The following BFSP1 variants were observed in gnomAD, a reference collection of about 807,000 sequenced individuals.
BFSP1 encodes beaded filament structural protein 1, also known as filensin.
Under a neutral mutation model 43.9 loss-of-function variants are expected in BFSP1, and 38 were observed. That is an observed-to-expected ratio of 0.87 (90% confidence interval 0.67 to 1.14). The LOEUF (loss-of-function observed/expected upper bound fraction) is 1.14. BFSP1 is among the 50% of genes most tolerant of loss of function. BFSP1 has a pLI of 0.00. For missense variants in BFSP1, 850 were observed against 875.1 expected (o/e 0.97, Z 0.36); for synonymous variants, 352 against 354.8 (o/e 0.99, Z 0.09).
chr20:17,550,110 A>G (rs1433811700), intron 1 of BFSP1, among the ~76,000 whole-genome samples: 1 of 152,170 alleles, frequency 6.6e-6, no homozygotes, highest in Non-Finnish European at 1.5e-5. Flanking sequence ...TACCCACATC[A>G]GGATTATTTT....
upstream of BFSP1, among the ~76,000 whole-genome samples, chr20:17,534,302 A>G (rs778012715): frequency 2.0e-5 from 3 of 152,248 alleles, no homozygotes; most frequent in Non-Finnish European, 4.4e-5. Context: ...TTAGAATAAG[A>G]AAGATCTGAG....
intron 1 of BFSP1, among the ~76,000 whole-genome samples, chr20:17,526,629 G>A (rs185178778): frequency 2.2e-4 from 34 of 152,300 alleles, no homozygotes; most frequent in Non-Finnish European, 1.9e-4. Flanking sequence ...TTATGAACAC[G>A]TATATGCAAG....
intron 1 of BFSP1, among the ~76,000 whole-genome samples, chr20:17,549,332 G>A (rs1277037628): frequency 3.3e-5 from 5 of 152,190 alleles, no homozygotes; most frequent in Non-Finnish European, 7.3e-5. Flanking sequence ...TTGACTCATG[G>A]TTCCTTAGGC....
intron 1 of BFSP1, among the ~76,000 whole-genome samples, chr20:17,546,874 A>T (rs1309118163): frequency 2.0e-5 from 3 of 151,448 alleles, no homozygotes; most frequent in Non-Finnish European, 2.9e-5. Context: ...AAATACAAAA[A>T]TTAGCCGGGT....
intron 1 of BFSP1, among the ~76,000 whole-genome samples, chr20:17,548,494 C>A (rs1052439586): frequency 3.3e-5 from 5 of 152,166 alleles, no homozygotes; most frequent in Non-Finnish European, 7.4e-5. Flanking sequence ...TCTGTTCCTG[C>A]AAATACCTGT....
Position 17,494,007 on chromosome 20 carries a change from C to G in BFSP1, c.*67G>C. 1 of 1,404,618 alleles carries G rather than the reference C, an allele frequency of 7.1e-7. No homozygotes were observed. The highest frequency in any genetic ancestry group is 2.3e-5 in the East Asian group (1 of 43,670). 87.0% of individuals were successfully genotyped at this position (1,404,618 alleles called of 1,614,324 possible). On this transcript the variant is annotated 3_prime_UTR_variant, in exon 8 of 8. Coordinates refer to ENST00000377873, the MANE Select transcript of BFSP1 (RefSeq NM_001195.5). ...AACCCTCACCCTTTTATCATTTGCTCTAAAATATCAAAGCATTACCCCTAC... is the reference window on the plus strand; with the variant it reads ...AACCCTCACCCTTTTATCATTTGCTGTAAAATATCAAAGCATTACCCCTAC...
At chr20:17,557,463 CCCT>C (rs1409386484) in intron 1 of BFSP1, among the ~76,000 whole-genome samples, 9 of 152,240 alleles carry the variant, frequency 5.9e-5, no homozygotes, top group Admixed American at 5.2e-4. Flanking sequence ...TTCTCTGCCC[CCCT>C]ATGTCCCCTA....
chr20:17,540,905 A>G (rs2034704822), intron 1 of BFSP1, among the ~76,000 whole-genome samples: 1 of 152,168 alleles, frequency 6.6e-6, no homozygotes, highest in Non-Finnish European at 1.5e-5. Context: ...TGGGCACTTC[A>G]CCATGCTTTG....
intron 1 of BFSP1, among the ~76,000 whole-genome samples, chr20:17,537,215 G>A (rs566207773): frequency 6.6e-6 from 1 of 152,188 alleles, no homozygotes; most frequent in Non-Finnish European, 1.5e-5. Flanking sequence ...CAACTCAAAA[G>A]GTAAGTCAGC....
chr20:17,541,176 G>T, intron 1 of BFSP1: 1 of 829,466 alleles, frequency 1.2e-6, no homozygotes, highest in Non-Finnish European at 1.5e-6. Context: ...ACCCCATTCT[G>T]GGCAACATAG....
chr20:17,496,502 C>T (rs2033635233), intron 7 of BFSP1, among the ~76,000 whole-genome samples: 1 of 152,172 alleles, frequency 6.6e-6, no homozygotes, highest in African/African-American at 2.4e-5. Flanking sequence ...CACCATGTTA[C>T]ACGCGTTGGC....
At chr20:17,518,037 C>T (rs1022871442) in intron 2 of BFSP1, among the ~76,000 whole-genome samples, 7 of 152,212 alleles carry the variant, frequency 4.6e-5, no homozygotes, top group African/African-American at 1.7e-4. Flanking sequence ...CCTACTCTCT[C>T]CAAGGCTCCT....
chr20:17,557,741 G>A (rs973418419), intron 1 of BFSP1, among the ~76,000 whole-genome samples: 3 of 152,048 alleles, frequency 2.0e-5, no homozygotes, highest in African/African-American at 7.2e-5. Context: ...AGTGTTTATC[G>A]TGGTTCCAGT....
intron 5 of BFSP1, chr20:17,506,759 G>C (rs6034838): frequency 8.6e-5 from 13 of 151,962 alleles, no homozygotes; most frequent in African/African-American, 1.9e-4. Flanking sequence ...TCCTGGACTC[G>C]AGCAGTCCAC....
At chr20:17,530,905 GGGAC>G in intron 1 of BFSP1, 44 bp downstream of exon 1, 1 of 1,329,016 alleles carries the variant, frequency 7.5e-7, no homozygotes, top group Non-Finnish European at 9.6e-7. Context: ...CCGCGCCGCC[GGGAC>G]GGCCCACGCC....
intron 1 of BFSP1, among the ~76,000 whole-genome samples, chr20:17,555,241 C>T (rs1042757853): frequency 3.0e-5 from 4 of 135,454 alleles, no homozygotes; most frequent in African/African-American, 1.1e-4. Context: ...GAGCTGTGTT[C>T]GTGCTGTTGC....
chr20:17,517,453 T>C (rs2034223921), intron 2 of BFSP1: 1 of 598,698 alleles, frequency 1.7e-6, no homozygotes, highest in South Asian at 1.9e-5. Context: ...CCAGCTAATT[T>C]TTCTATTTTT....
intron 1 of BFSP1, among the ~76,000 whole-genome samples, chr20:17,542,460 G>A (rs181216787): frequency 5.9e-4 from 90 of 151,506 alleles, no homozygotes; most frequent in Admixed American, 8.5e-4. Flanking sequence ...TTCACCAGGT[G>A]TGGTGCCATG....
At chr20:17,530,533 T>A (rs1366633555) in intron 1 of BFSP1, among the ~76,000 whole-genome samples, 1 of 152,118 alleles carries the variant, frequency 6.6e-6, no homozygotes, top group Non-Finnish European at 1.5e-5. Context: ...GTGATAGAAA[T>A]CAGAATGGGT....
Sources: allele counts gnomAD v4.1 joint callset (sites outside exome capture counted in the v4.1 genomes callset), GRCh38; gene constraint gnomAD v4.1.1; transcripts MANE v1.5; gene names NCBI Gene and HGNC (gene_info 2026-07-23, HGNC 2026-07-21).